The following SCFD2 variants were observed in gnomAD, a reference collection of about 807,000 sequenced individuals.
SCFD2 encodes sec1 family domain-containing protein 2.
In SCFD2, 54 loss-of-function variants were observed where a neutral mutation model predicts 58.9. That is an observed-to-expected ratio of 0.92 (90% confidence interval 0.74 to 1.15). The LOEUF is 1.15. SCFD2 is among the 50% of genes most tolerant of loss of function. The pLI is 0.00. For synonymous variants in SCFD2, 321 were observed against 335.9 expected, an observed-to-expected ratio of 0.96 and a Z score of 0.49; for missense variants, 805 against 836.6, an observed-to-expected ratio of 0.96 and a Z score of 0.47.
chr4:53,226,958 A>C (rs967468375), intron 4 of SCFD2, among the ~76,000 whole-genome samples: 8 of 152,320 alleles, frequency 5.3e-5, no homozygotes, highest in African/African-American at 1.9e-4. Flanking sequence ...CGATCTAAAA[A>C]AGGTATCCCT....
chr4:53,227,601 A>G (rs141611932), intron 4 of SCFD2, among the ~76,000 whole-genome samples: 2 of 152,302 alleles, frequency 1.3e-5, no homozygotes, highest in African/African-American at 4.8e-5. Context: ...ACAGCAGAAT[A>G]CCTTCACCTT....
rs1468182896 is a variant in SCFD2 at position 53,247,733 on chromosome 4, C to T, written c.1311+26093G>A. Among the ~76,000 whole-genome samples the T allele has an allele frequency of 3.4e-5, 5 of 148,892 alleles. 1 individual carries two copies. In the South Asian group the frequency reaches 6.6e-4, roughly 20 times the overall value. Reference sequence around the variant, plus strand: ...AAAATTAGCCGGGCGCGGTGGCGGGCGCCTGTAGTCCCAGCTACTCGGGAG... The same window carrying T: ...AAAATTAGCCGGGCGCGGTGGCGGGTGCCTGTAGTCCCAGCTACTCGGGAG... On this transcript the variant is annotated intron_variant, in intron 4 of 8. Transcript: ENST00000401642.
intron 5 of SCFD2, among the ~76,000 whole-genome samples, chr4:53,089,155 G>C (rs1437287656): frequency 3.9e-5 from 6 of 152,284 alleles, no homozygotes; most frequent in Middle Eastern, 3.4e-3. Context: ...AAGCTACCTA[G>C]TCTATGGTAG....
At chr4:53,115,963 T>C (rs577585487) in intron 5 of SCFD2, among the ~76,000 whole-genome samples, 2 of 152,294 alleles carry the variant, frequency 1.3e-5, no homozygotes, top group Admixed American at 6.5e-5. Flanking sequence ...TTTGGGTACC[T>C]ACATCTCTTT....
intron 7 of SCFD2, among the ~76,000 whole-genome samples, chr4:52,900,982 C>T (rs533373419): frequency 6.6e-6 from 1 of 152,310 alleles, no homozygotes; most frequent in South Asian, 2.1e-4. Flanking sequence ...GTTTGTTAAG[C>T]CCATTGGAAG....
chr4:52,905,555 G>A (rs1409086428), intron 7 of SCFD2, among the ~76,000 whole-genome samples: 5 of 152,192 alleles, frequency 3.3e-5, no homozygotes, highest in Admixed American at 6.5e-5. Flanking sequence ...CAGCTGCTGG[G>A]AGAACATAAA....
chr4:53,021,891 G>A (rs1469471322), intron 5 of SCFD2, among the ~76,000 whole-genome samples: 2 of 152,142 alleles, frequency 1.3e-5, no homozygotes, highest in Non-Finnish European at 2.9e-5. Context: ...CAGAACCCAG[G>A]TGACACTCTA....
intron 2 of SCFD2, among the ~76,000 whole-genome samples, chr4:53,325,430 AG>A (rs1201255331): frequency 1.3e-5 from 2 of 152,216 alleles, no homozygotes; most frequent in African/African-American, 4.8e-5. Context: ...ATAAAAAAGA[AG>A]AAAGATGAAG....
At chr4:53,015,636 T>G (rs766299003) in intron 5 of SCFD2, among the ~76,000 whole-genome samples, 1 of 152,174 alleles carries the variant, frequency 6.6e-6, no homozygotes, top group African/African-American at 2.4e-5. Flanking sequence ...CCAGTTTATC[T>G]TCCAAGTTGG....
At chr4:53,001,703 C>T (rs1721868899) in intron 5 of SCFD2, among the ~76,000 whole-genome samples, 1 of 152,126 alleles carries the variant, frequency 6.6e-6, no homozygotes. Flanking sequence ...CGTTAAATTC[C>T]TATGTATATG....
intron 3 of SCFD2, among the ~76,000 whole-genome samples, chr4:53,303,912 T>C (rs1732423170): frequency 7.7e-6 from 1 of 130,088 alleles, no homozygotes; most frequent in African/African-American, 3.0e-5. Context: ...TGAGAACACA[T>C]GGACACAGGA....
At chr4:53,308,094 T>C (rs1458838896) in intron 3 of SCFD2, among the ~76,000 whole-genome samples, 4 of 152,202 alleles carry the variant, frequency 2.6e-5, no homozygotes, top group African/African-American at 7.2e-5. Flanking sequence ...ACAGTAATCC[T>C]GGAAAAGAAA....
chr4:53,324,708 C>T (rs1733130961), intron 2 of SCFD2, among the ~76,000 whole-genome samples: 1 of 151,958 alleles, frequency 6.6e-6, no homozygotes, highest in Non-Finnish European at 1.5e-5. Flanking sequence ...CTCTGGTTGT[C>T]CGGTACATGG....
At chr4:52,942,579 G>A (rs1186622136) in intron 5 of SCFD2, among the ~76,000 whole-genome samples, 2 of 152,152 alleles carry the variant, frequency 1.3e-5, no homozygotes, top group African/African-American at 2.4e-5. Flanking sequence ...CAATATGGGT[G>A]ATAAAAGTAC....
At chr4:52,975,263 C>A (rs1432616266) in intron 5 of SCFD2, among the ~76,000 whole-genome samples, 2 of 152,068 alleles carry the variant, frequency 1.3e-5, no homozygotes, top group Admixed American at 6.6e-5. Flanking sequence ...ATTTTTGCAA[C>A]CTACTCATCT....
chr4:53,334,934 C>T (rs1733628484), intron 2 of SCFD2, among the ~76,000 whole-genome samples: 1 of 152,096 alleles, frequency 6.6e-6, no homozygotes, highest in Non-Finnish European at 1.5e-5. Context: ...CGATGGCTCA[C>T]ACCTGCAATC....
chr4:52,956,524 C>G, intron 5 of SCFD2: 2 of 289,992 alleles, frequency 6.9e-6, no homozygotes, highest in Non-Finnish European at 1.4e-5. Context: ...TCTCTTCTCT[C>G]TAAGGCTCAG....
chr4:53,082,477 C>G (rs1724176696), intron 5 of SCFD2, among the ~76,000 whole-genome samples: 1 of 152,070 alleles, frequency 6.6e-6, no homozygotes, highest in South Asian at 2.1e-4. Context: ...TTTTCATGCA[C>G]CTACTGGTTA....
chr4:53,312,841 TAAAATTTTGC>T (rs1732731885), intron 3 of SCFD2, among the ~76,000 whole-genome samples: 1 of 152,070 alleles, frequency 6.6e-6, no homozygotes, highest in Admixed American at 6.5e-5. Context: ...AAGAGAAAAA[TAAAATTTTGC>T]AAACTTCCAG....
Sources: allele counts gnomAD v4.1 joint callset (sites outside exome capture counted in the v4.1 genomes callset), GRCh38; gene constraint gnomAD v4.1.1; transcripts MANE v1.5; gene names NCBI Gene and HGNC (gene_info 2026-07-23, HGNC 2026-07-21).